The following GRIN2B variants were observed in gnomAD, a reference collection of about 807,000 sequenced individuals.
GRIN2B encodes glutamate receptor ionotropic, NMDA 2B.
Under a neutral mutation model 114.5 loss-of-function variants are expected in GRIN2B, and 5 were observed. The observed-to-expected ratio is 0.04, with a 90% CI of 0.02 to 0.09. The LOEUF is 0.09. GRIN2B is among the 10% of genes least tolerant of loss of function. GRIN2B has a pLI of 1.00. For synonymous variants in GRIN2B, 787 were observed against 745.1 expected (o/e 1.06, Z -0.92); for missense variants, 1,108 against 1,943.5 (o/e 0.57, Z 8.08).
At chr12:13,565,217 T>C (rs562790264) in intron 13 of GRIN2B, among the ~76,000 whole-genome samples, 2 of 152,208 alleles carry the variant, frequency 1.3e-5, no homozygotes, top group African/African-American at 2.4e-5. Flanking sequence ...AATTCTCTTC[T>C]TGAGCCAAGC....
At chr12:13,902,204 T>C (rs1866463734) in intron 2 of GRIN2B, among the ~76,000 whole-genome samples, 1 of 152,176 alleles carries the variant, frequency 6.6e-6, no homozygotes, top group African/African-American at 2.4e-5. Flanking sequence ...TCGTATTCTT[T>C]CTCTTTAAGT....
At chr12:13,705,037 A>C (rs1401270301) in intron 4 of GRIN2B, among the ~76,000 whole-genome samples, 2 of 151,692 alleles carry the variant, frequency 1.3e-5, no homozygotes, top group Non-Finnish European at 2.9e-5. Flanking sequence ...GTCATCATAT[A>C]AGCATACCTG....
chr12:13,833,525 C>G (rs1865191644), intron 3 of GRIN2B, among the ~76,000 whole-genome samples: 1 of 152,132 alleles, frequency 6.6e-6, no homozygotes, highest in Admixed American at 6.5e-5. Flanking sequence ...ATTAGTTTTC[C>G]TGAAGGACCT....
intron 5 of GRIN2B, among the ~76,000 whole-genome samples, chr12:13,645,266 C>T (rs1398565738): frequency 6.6e-6 from 1 of 151,894 alleles, no homozygotes; most frequent in African/African-American, 2.4e-5. Flanking sequence ...TAAGGAGATC[C>T]AAGGAGAGGA....
chr12:13,865,580 C>T (rs1054409462), intron 3 of GRIN2B, among the ~76,000 whole-genome samples: 5 of 151,934 alleles, frequency 3.3e-5, no homozygotes, highest in Non-Finnish European at 5.9e-5. Flanking sequence ...TGCAGTGAGC[C>T]GAGATGGCAT....
chr12:13,695,611 AG>A (rs1950252986), intron 4 of GRIN2B, among the ~76,000 whole-genome samples: 1 of 152,152 alleles, frequency 6.6e-6, no homozygotes, highest in South Asian at 2.1e-4. Context: ...TAACGGAGTC[AG>A]GGTGGGCAGA....
intron 3 of GRIN2B, among the ~76,000 whole-genome samples, chr12:13,842,494 T>C (rs753997387): frequency 8.5e-5 from 13 of 152,238 alleles, no homozygotes; most frequent in Non-Finnish European, 1.3e-4. Context: ...TTTCTCCTTT[T>C]GTGATGCATT....
At chr12:13,591,977 T>G (rs773293110) in intron 10 of GRIN2B, among the ~76,000 whole-genome samples, 2 of 152,224 alleles carry the variant, frequency 1.3e-5, no homozygotes, top group Non-Finnish European at 2.9e-5. Context: ...TAGCTTATGT[T>G]CTTGGAACAT....
intron 4 of GRIN2B, among the ~76,000 whole-genome samples, chr12:13,752,473 T>A (rs1332138858): frequency 6.6e-6 from 1 of 152,238 alleles, no homozygotes; most frequent in Non-Finnish European, 1.5e-5. Context: ...TTAAGATCAC[T>A]TTTATTTCTA....
rs1948237764 is a variant in GRIN2B, at chr12:13,538,493, G to C, written c.*24290C>G. The C allele has an allele frequency of 6.6e-6, 1 of 152,144 alleles. No homozygotes were observed. The highest frequency in any genetic ancestry group is 1.5e-5 in the Non-Finnish European group (1 of 68,018). The allele number at this position is 152,144 out of a possible 1,614,324, so 9.4% of individuals were successfully genotyped here. ...TACTGGAGGTTCCCACCATAATCCA[G>C]ATAAATACTCGCAAGCTTCCTTATT... On this transcript the variant is annotated 3_prime_UTR_variant, in exon 14 of 14. Coordinates refer to ENST00000609686, the MANE Select transcript of GRIN2B (RefSeq NM_000834.5).
At chr12:13,697,514 A>G (rs1950272415) in intron 4 of GRIN2B, among the ~76,000 whole-genome samples, 6 of 152,038 alleles carry the variant, frequency 3.9e-5, no homozygotes, top group Admixed American at 3.9e-4. Flanking sequence ...CTAGAAGGAG[A>G]CTTCTTATTT....
At chr12:13,589,771 A>G (rs1261072056) in intron 10 of GRIN2B, among the ~76,000 whole-genome samples, 1 of 152,132 alleles carries the variant, frequency 6.6e-6, no homozygotes, top group Non-Finnish European at 1.5e-5. Context: ...GAAAAACCCT[A>G]TGTGGTATAG....
intron 3 of GRIN2B, among the ~76,000 whole-genome samples, chr12:13,769,040 TAAATA>T (rs939177335): frequency 1.4e-4 from 22 of 151,988 alleles, no homozygotes; most frequent in Admixed American, 5.2e-4. Flanking sequence ...TCTCAAAAAA[TAAATA>T]AAATAAAATA....
At chr12:13,897,158 G>A (rs765924468) in intron 2 of GRIN2B, among the ~76,000 whole-genome samples, 7 of 152,064 alleles carry the variant, frequency 4.6e-5, no homozygotes, top group Non-Finnish European at 8.8e-5. Context: ...CAAGAACTAG[G>A]AAAAGCCTGA....
At chr12:13,775,927 T>A (rs1863995135) in intron 3 of GRIN2B, among the ~76,000 whole-genome samples, 1 of 152,152 alleles carries the variant, frequency 6.6e-6, no homozygotes, top group Non-Finnish European at 1.5e-5. Flanking sequence ...CATTACCGAA[T>A]ATACACCCAA....
chr12:13,789,991 T>C (rs1009964953), intron 3 of GRIN2B, among the ~76,000 whole-genome samples: 10 of 152,326 alleles, frequency 6.6e-5, no homozygotes, highest in African/African-American at 2.4e-4. Context: ...GAAAGCATCC[T>C]TACTCTTCCT....
intron 2 of GRIN2B, among the ~76,000 whole-genome samples, chr12:13,975,190 A>G (rs1159873187): frequency 6.6e-6 from 1 of 152,234 alleles, no homozygotes; most frequent in Non-Finnish European, 1.5e-5. Flanking sequence ...ATGGTCTGTA[A>G]TTAAAAGCAG....
intron 4 of GRIN2B, among the ~76,000 whole-genome samples, chr12:13,719,477 C>T (rs1950488840): frequency 6.6e-6 from 1 of 151,680 alleles, no homozygotes; most frequent in Admixed American, 6.6e-5. Context: ...TGGTATGAAA[C>T]TCCAAACAAG....
In GRIN2B at chr12:13,547,981, A is replaced by ATATTTTTTTTTTTTTT; in HGVS notation, c.*14801_*14802insAAAAAAAAAAAAAATA. On this transcript the variant is annotated 3_prime_UTR_variant, in exon 14 of 14. Coordinates refer to ENST00000609686, the MANE Select transcript of GRIN2B (RefSeq NM_000834.5). ...TGTGTATATATATATATATATATAT[A>ATATTTTTTTTTTTTTT]TTTTTTTTTTTTTTCTGAAAGCTAC... 3 of 68,570 alleles carry ATATTTTTTTTTTTTTT rather than the reference A, an allele frequency of 4.4e-5. No individual in the cohort carries two copies. The highest frequency in any genetic ancestry group is 1.4e-4 in the African/African-American group (3 of 21,746). The allele number at this position is 68,570 out of a possible 1,614,324, so 4.2% of individuals were successfully genotyped here.
Sources: allele counts gnomAD v4.1 joint callset (sites outside exome capture counted in the v4.1 genomes callset), GRCh38; gene constraint gnomAD v4.1.1; transcripts MANE v1.5; gene names NCBI Gene and HGNC (gene_info 2026-07-23, HGNC 2026-07-21).